The following ZNF333 variants were observed in gnomAD, a reference collection of about 807,000 sequenced individuals.
ZNF333 encodes zinc finger protein 333.
In ZNF333, 61 loss-of-function variants were observed where a neutral mutation model predicts 76.1. That is an observed-to-expected ratio of 0.80 (90% CI 0.65 to 0.99). The LOEUF (loss-of-function observed/expected upper bound fraction) is 0.99. Among genes scored for constraint, ZNF333 ranks in the 50% least tolerant of loss-of-function variants. The probability of loss-of-function intolerance (pLI) is 0.00; values close to 1 mark genes in which losing one functional copy is unlikely to be tolerated. For synonymous variants in ZNF333, 284 were observed against 305.0 expected (o/e 0.93, Z 0.72); for missense variants, 717 against 822.4 (o/e 0.87, Z 1.57).
chr19:14,691,256 C>G (rs910448168), intron 1 of ZNF333, among the ~76,000 whole-genome samples: 1 of 152,112 alleles, frequency 6.6e-6, no homozygotes, highest in African/African-American at 2.4e-5. Context: ...ATATTATTAT[C>G]AAGAAAACCT....
chr19:14,713,473 C>T (rs1568548104), intron 7 of ZNF333, among the ~76,000 whole-genome samples: 2 of 152,054 alleles, frequency 1.3e-5, no homozygotes, highest in African/African-American at 2.4e-5. Flanking sequence ...ATTTGGGCTT[C>T]ATCATGAAGT....
At chr19:14,699,313 G>A in intron 5 of ZNF333, 32 bp downstream of exon 5, 1 of 1,589,352 alleles carries the variant, frequency 6.3e-7, no homozygotes, top group Non-Finnish European at 8.6e-7. Flanking sequence ...CCGGCTCCCA[G>A]CATGGGAGAA....
intron 3 of ZNF333, 144 bp downstream of exon 3, chr19:14,695,277 C>T (rs979894584): frequency 7.9e-7 from 1 of 1,272,936 alleles, no homozygotes; most frequent in East Asian, 2.5e-5. Context: ...GTTGCATTGA[C>T]TTCTTTCCCT....
At chr19:14,732,995 C>T (rs2042689308) in exon 12 of ZNF333, 1 of 152,212 alleles carries the variant, frequency 6.6e-6, no homozygotes. Context: ...ATGGGCTCTA[C>T]ACTCATAGGG....
At chr19:14,709,070 G>A (rs2146990980) in intron 7 of ZNF333, 1 of 152,482 alleles carries the variant, frequency 6.6e-6, no homozygotes, top group Non-Finnish European at 1.5e-5. Flanking sequence ...CACGAGATCT[G>A]GTTGTTTAAA....
At chr19:14,730,109 A>C (rs28665079) in intron 11 of ZNF333, among the ~76,000 whole-genome samples, 1 of 152,102 alleles carries the variant, frequency 6.6e-6, no homozygotes, top group African/African-American at 2.4e-5. Flanking sequence ...CTGGAGTACA[A>C]TGGCACAATC....
intron 4 of ZNF333, 103 bp downstream of exon 4, chr19:14,695,764 A>AT (rs762396915): frequency 1.2e-5 from 11 of 924,546 alleles, no homozygotes; most frequent in Non-Finnish European, 1.9e-5. Flanking sequence ...CTGAGGGGAC[A>AT]TCGAAGGCCA....
intron 11 of ZNF333, among the ~76,000 whole-genome samples, chr19:14,727,472 C>T (rs1269515881): frequency 6.6e-6 from 1 of 152,086 alleles, no homozygotes; most frequent in Admixed American, 6.6e-5. Flanking sequence ...ATAGTGAGAC[C>T]AGGAGCAAGA....
chr19:14,697,357 CTTTTTTT>C (rs139125023), intron 4 of ZNF333, among the ~76,000 whole-genome samples: 8 of 90,812 alleles, frequency 8.8e-5, no homozygotes, highest in South Asian at 3.6e-4. Context: ...TTTTTCTTTT[CTTTTTTT>C]TTTTTTTTTT....
intron 1 of ZNF333, among the ~76,000 whole-genome samples, chr19:14,693,019 G>A (rs748931885): frequency 6.6e-6 from 1 of 151,978 alleles, no homozygotes; most frequent in Non-Finnish European, 1.5e-5. Flanking sequence ...TAGAGATGGG[G>A]TTTCACCATA....
At chr19:14,713,531 A>C (rs2042338525) in intron 7 of ZNF333, among the ~76,000 whole-genome samples, 1 of 152,178 alleles carries the variant, frequency 6.6e-6, no homozygotes, top group South Asian at 2.1e-4. Flanking sequence ...ACCAAGGCAG[A>C]GAGAATTGAG....
chr19:14,732,775 A>G (rs929099468), exon 12 of ZNF333: 1 of 152,246 alleles, frequency 6.6e-6, no homozygotes, highest in Admixed American at 6.5e-5. Flanking sequence ...CTGTTTTCAT[A>G]TCACAATGGA....
chr19:14,719,789 C>CTA lies in ZNF333; in HGVS notation c.*465_*466insAT. 1 of 988,262 alleles carries CTA rather than the reference C, an allele frequency of 1.0e-6. No homozygotes were observed. Among genetic ancestry groups the CTA allele is most frequent in the Non-Finnish European group, 1.2e-6 (1 of 832,056 alleles). 61.2% of individuals were successfully genotyped at this position (988,262 alleles called of 1,614,324 possible). A position where few individuals can be genotyped will look rare whatever the true frequency, so the allele number is the denominator to read the frequency against. On this transcript the variant is annotated 3_prime_UTR_variant, in exon 12 of 12. Transcript: ENST00000292530. ...TATTTGCTGAGATTTGCTATTAGGT[C>CTA]TGGTGTGGCTTATTCTTCTAGCTGC...
At chr19:14,731,650 A>T (rs2042672597) in exon 12 of ZNF333, 1 of 155,360 alleles carries the variant, frequency 6.4e-6, no homozygotes, top group Admixed American at 6.5e-5. Flanking sequence ...TCTACCTTAA[A>T]GCCGTATTTC....
downstream of ZNF333, among the ~76,000 whole-genome samples, chr19:14,722,980 G>C (rs1318534707): frequency 6.6e-6 from 1 of 152,158 alleles, no homozygotes; most frequent in Admixed American, 6.5e-5. Flanking sequence ...TAGAGATGGG[G>C]TTTCACCATG....
At chr19:14,726,642 C>G (rs1397498375), downstream of ZNF333, among the ~76,000 whole-genome samples, 1 of 152,208 alleles carries the variant, frequency 6.6e-6, no homozygotes, top group African/African-American at 2.4e-5. Context: ...ACCAGACACT[C>G]TCTAAGTCAT....
downstream of ZNF333, among the ~76,000 whole-genome samples, chr19:14,725,267 G>T (rs888201089): frequency 6.6e-6 from 1 of 152,092 alleles, no homozygotes; most frequent in African/African-American, 2.4e-5. Flanking sequence ...TGAGGGATTT[G>T]CCCCCATGAT....
At position 14,695,006 on chromosome 19, in the gene ZNF333, T is replaced by G. The variant is rs1414515666; in HGVS notation, c.4-4T>G. Reference sequence around the variant, plus strand: ...GCCGAGCCAGAATGTGTGTGCTGTTTTAGGAATCCGTCACCTTTGAGGATG... The same window carrying G: ...GCCGAGCCAGAATGTGTGTGCTGTTGTAGGAATCCGTCACCTTTGAGGATG... On this transcript the variant is annotated splice_polypyrimidine_tract_variant and splice_region_variant and intron_variant, in intron 2 of 11. Transcript: ENST00000292530. 3.1e-6 allele frequency: 5 copies of G among 1,614,052 alleles called. No homozygotes were observed. Among genetic ancestry groups the G allele is most frequent in the Non-Finnish European group, 4.2e-6 (5 of 1,180,026 alleles).
At chr19:14,711,477 C>T (rs1230487693) in intron 7 of ZNF333, among the ~76,000 whole-genome samples, 1 of 151,996 alleles carries the variant, frequency 6.6e-6, no homozygotes, top group East Asian at 1.9e-4. Context: ...GGAGACCAGC[C>T]TGGGCAACAT....
Sources: gnomAD v4.1 joint callset for allele counts (sites outside exome capture counted in the v4.1 genomes callset) on GRCh38, gnomAD v4.1.1 for gene constraint, MANE v1.5 for transcripts, NCBI Gene and HGNC (gene_info 2026-07-23, HGNC 2026-07-21) for gene names.